Variants in MYO3A observed in about 807,000 individuals in gnomAD.
The protein encoded by MYO3A is myosin IIIA, also known as myosin-IIIa.
Under a neutral mutation model 192.7 loss-of-function variants are expected in MYO3A, and 180 were observed. The observed-to-expected ratio is 0.93, with a 90% CI of 0.83 to 1.06. The LOEUF (loss-of-function observed/expected upper bound fraction) is 1.06, where lower values mean the gene tolerates loss of function less well. Among genes scored for constraint, MYO3A ranks in the 50% least tolerant of loss-of-function variants. The pLI is 0.00. For missense variants in MYO3A, 1,896 were observed against 1,905.0 expected, an observed-to-expected ratio of 1.00 and a Z score of 0.09; for synonymous variants, 628 against 645.3, an observed-to-expected ratio of 0.97 and a Z score of 0.41.
At chr10:26,053,039 T>C (rs1844097457) in intron 10 of MYO3A, among the ~76,000 whole-genome samples, 1 of 152,168 alleles carries the variant, frequency 6.6e-6, no homozygotes, top group Non-Finnish European at 1.5e-5. Context: ...GATTCCGACT[T>C]TGCTTTTTCC....
intron 6 of MYO3A, among the ~76,000 whole-genome samples, chr10:26,006,229 G>A (rs568875852): frequency 6.6e-6 from 1 of 152,014 alleles, no homozygotes; most frequent in Non-Finnish European, 1.5e-5. Context: ...CACATTCAAA[G>A]CAGTGTGTAG....
intron 23 of MYO3A, among the ~76,000 whole-genome samples, chr10:26,148,747 TG>T (rs1409765095): frequency 6.6e-6 from 1 of 152,240 alleles, no homozygotes; most frequent in African/African-American, 2.4e-5. Flanking sequence ...CACATTTTTA[TG>T]TGATTATAAA....
At chr10:26,023,476 A>C (rs1417947631) in intron 8 of MYO3A, 1 of 153,490 alleles carries the variant, frequency 6.5e-6, no homozygotes, top group Non-Finnish European at 1.5e-5. Flanking sequence ...AAATTGTTAA[A>C]GTTGTATTCA....
chr10:26,075,387 T>C (rs977484952), intron 14 of MYO3A, among the ~76,000 whole-genome samples: 2 of 151,682 alleles, frequency 1.3e-5, no homozygotes, highest in African/African-American at 4.8e-5. Flanking sequence ...CCAAGCAGTA[T>C]ACACTGCACC....
At chr10:26,015,086 A>G (rs1211966279) in intron 6 of MYO3A, among the ~76,000 whole-genome samples, 2 of 152,178 alleles carry the variant, frequency 1.3e-5, no homozygotes, top group Non-Finnish European at 2.9e-5. Context: ...ATAGCCTGAA[A>G]ATTCCCTAGC....
chr10:26,035,346 G>T (rs1440861586), intron 10 of MYO3A, among the ~76,000 whole-genome samples: 1 of 152,192 alleles, frequency 6.6e-6, no homozygotes, highest in African/African-American at 2.4e-5. Flanking sequence ...GAAGGCCATT[G>T]TAAGTACCTC....
At chr10:25,997,439 T>G (rs1588734029) in intron 6 of MYO3A, among the ~76,000 whole-genome samples, 181 bp downstream of exon 6, 1 of 152,136 alleles carries the variant, frequency 6.6e-6, no homozygotes, top group Non-Finnish European at 1.5e-5. Context: ...GAAGAAAGGG[T>G]AACTTCTTTC....
At chr10:26,175,403 G>T (rs1306910749) in intron 30 of MYO3A, among the ~76,000 whole-genome samples, 1 of 152,100 alleles carries the variant, frequency 6.6e-6, no homozygotes, top group Non-Finnish European at 1.5e-5. Context: ...AGTTTTAACT[G>T]GATGATCTCT....
chr10:26,205,009 G>A (rs1843847031), intron 34 of MYO3A, among the ~76,000 whole-genome samples: 2 of 152,202 alleles, frequency 1.3e-5, no homozygotes, highest in Admixed American at 1.3e-4. Flanking sequence ...GTCAGAAGAT[G>A]TTAGTGCACA....
intron 10 of MYO3A, among the ~76,000 whole-genome samples, chr10:26,051,333 A>C (rs950524651): frequency 6.6e-6 from 1 of 152,050 alleles, no homozygotes; most frequent in Non-Finnish European, 1.5e-5. Context: ...ATAGAAGTCT[A>C]AATGATTGGG....
At chr10:26,103,258 AGTGTCCCGAT>A (rs1837587569) in intron 17 of MYO3A, among the ~76,000 whole-genome samples, 2 of 152,128 alleles carry the variant, frequency 1.3e-5, no homozygotes, top group Admixed American at 1.3e-4. Flanking sequence ...TTAGGGTGGG[AGTGTCCCGAT>A]TTTCCAGGTA....
intron 30 of MYO3A, among the ~76,000 whole-genome samples, chr10:26,176,464 C>T (rs1842339363): frequency 6.6e-6 from 1 of 152,140 alleles, no homozygotes; most frequent in Non-Finnish European, 1.5e-5. Flanking sequence ...CTGCATGTAG[C>T]ATGACGTGCT....
At chr10:25,987,433 A>C (rs181397539) in intron 4 of MYO3A, among the ~76,000 whole-genome samples, 75 of 152,370 alleles carry the variant, frequency 4.9e-4, no homozygotes, top group African/African-American at 1.8e-3. Flanking sequence ...CAATCCACAG[A>C]GTGAGAGAAC....
At chr10:25,999,288 G>A (rs1314851254) in intron 6 of MYO3A, among the ~76,000 whole-genome samples, 2 of 152,084 alleles carry the variant, frequency 1.3e-5, no homozygotes, top group Admixed American at 6.6e-5. Context: ...TAGATTTTTG[G>A]CAATAATTAG....
At chr10:26,086,144 A>C (rs143882565) in intron 14 of MYO3A, among the ~76,000 whole-genome samples, 1,974 of 152,286 alleles carry the variant, frequency 0.013, 22 homozygotes, top group East Asian at 0.041. Flanking sequence ...ACAGCTCCAC[A>C]TGGCTGGGAA....
chr10:25,967,388 G>A (rs2130702165), intron 4 of MYO3A, among the ~76,000 whole-genome samples: 1 of 152,238 alleles, frequency 6.6e-6, no homozygotes, highest in African/African-American at 2.4e-5. Flanking sequence ...CCTCCAGAAA[G>A]GTTATACATT....
At chr10:26,096,139 G>T (rs984474976) in intron 15 of MYO3A, among the ~76,000 whole-genome samples, 1 of 152,158 alleles carries the variant, frequency 6.6e-6, no homozygotes, top group Admixed American at 6.5e-5. Flanking sequence ...AACAGTGCCT[G>T]GAAGTCACTC....
intron 34 of MYO3A, among the ~76,000 whole-genome samples, chr10:26,208,866 G>A (rs990244123): frequency 3.9e-5 from 6 of 152,058 alleles, no homozygotes; most frequent in African/African-American, 1.2e-4. Flanking sequence ...ATGTCCAATG[G>A]CCTTGCCCTC....
At chr10:26,093,612 T>G (rs1836835879) in intron 15 of MYO3A, among the ~76,000 whole-genome samples, 1 of 152,192 alleles carries the variant, frequency 6.6e-6, no homozygotes, top group South Asian at 2.1e-4. Context: ...TGTTTTAGAT[T>G]TATCCATCCA....
Sources: allele counts gnomAD v4.1 joint callset (sites outside exome capture counted in the v4.1 genomes callset), GRCh38; gene constraint gnomAD v4.1.1; transcripts MANE v1.5; gene names NCBI Gene and HGNC (gene_info 2026-07-23, HGNC 2026-07-21).